The following UNC13C variants were observed in gnomAD, a reference collection of about 807,000 sequenced individuals.
UNC13C encodes unc-13 homolog C.
A neutral mutation model predicts 245.4 loss-of-function variants in UNC13C; 174 were observed. The observed-to-expected ratio is 0.71, with a 90% confidence interval of 0.63 to 0.80. The LOEUF (loss-of-function observed/expected upper bound fraction) is 0.80, where lower values mean the gene tolerates loss of function less well. Among genes scored for constraint, UNC13C ranks in the 30% least tolerant of loss-of-function variants. The pLI is 0.00. For synonymous variants in UNC13C, 992 were observed against 895.1 expected (o/e 1.11, Z -1.93); for missense variants, 2,829 against 2,602.9 (o/e 1.09, Z -1.89).
At chr15:54,545,832 G>A (rs1896459448) in intron 26 of UNC13C, among the ~76,000 whole-genome samples, 1 of 152,162 alleles carries the variant, frequency 6.6e-6, no homozygotes, top group African/African-American at 2.4e-5. Context: ...GGATGCTGGA[G>A]AGAATGTGGA....
At chr15:54,335,989 C>T (rs1036093405) in intron 16 of UNC13C, among the ~76,000 whole-genome samples, 5 of 151,670 alleles carry the variant, frequency 3.3e-5, no homozygotes, top group Admixed American at 6.6e-5. Flanking sequence ...GTAGAAGTGA[C>T]GTTGCATTAT....
chr15:54,054,177 T>G (rs1423733638), intron 2 of UNC13C, among the ~76,000 whole-genome samples: 3 of 152,198 alleles, frequency 2.0e-5, no homozygotes, highest in African/African-American at 7.2e-5. Flanking sequence ...TAGCTCTATT[T>G]TTAGCTTTGA....
intron 5 of UNC13C, 142 bp downstream of exon 5, chr15:54,235,250 A>C: frequency 1.7e-6 from 1 of 578,522 alleles, no homozygotes. Context: ...ACCTGCTGTT[A>C]TATTTATTAT....
rs1491357619 is a variant in UNC13C, at chr15:54,553,212, A to AAC, written c.5878-2219_5878-2218insCA. ...TATTATATACTGTATTCTATATTAC[A>AAC]ATATATATTATATATTGTATTCTAT... On this transcript the variant is annotated intron_variant, in intron 28 of 32. Transcript: ENST00000260323. 1.4e-3 allele frequency among the ~76,000 whole-genome samples: 163 copies of AAC among 114,904 alleles called. 9 individuals are homozygous for AAC. The highest frequency in any genetic ancestry group is 5.4e-3 in the African/African-American group (155 of 28,934). The allele number at this position is 114,904 out of a possible 152,430, so 75.4% of individuals were successfully genotyped here.
rs1896646777 is a variant in UNC13C at position 54,549,668 on chromosome 15, C to A, written c.5854C>A (p.Leu1952Ile). The A allele has an allele frequency of 1.9e-6, 3 of 1,603,256 alleles. No homozygotes were observed. The East Asian group carries it at 6.7e-5, about 36-fold the overall frequency. ...PQMIFIAAKDLGQLSKLKEHM... is the reference protein window; with the variant it reads ...PQMIFIAAKDIGQLSKLKEHM... The stretch of plus-strand genomic sequence containing the variant: ...GATGATTTTCATTGCAGCTAAAGAT[C>A]TTGGACAATTATCCAAACTGAAGGT... Residue 1952 changes from leucine (L) to isoleucine (I), a missense_variant, in exon 28 of 33, where the codon CTT becomes ATT. Coordinates refer to ENST00000260323, the MANE Select transcript of UNC13C (RefSeq NM_001080534.3).
chr15:54,237,740 C>G (rs776937533), intron 7 of UNC13C, 50 bp downstream of exon 7: 2 of 1,406,672 alleles, frequency 1.4e-6, no homozygotes, highest in Non-Finnish European at 2.0e-6. Context: ...TGCTCATAAT[C>G]ACAAGGGAGA....
intron 4 of UNC13C, among the ~76,000 whole-genome samples, chr15:54,185,236 T>C (rs1411664439): frequency 6.6e-6 from 1 of 152,092 alleles, no homozygotes; most frequent in Non-Finnish European, 1.5e-5. Context: ...TTCACTCTGA[T>C]GGTGGTTTCT....
At chr15:54,233,735 C>G (rs889392451) in intron 4 of UNC13C, among the ~76,000 whole-genome samples, 2 of 152,150 alleles carry the variant, frequency 1.3e-5, no homozygotes, top group African/African-American at 4.8e-5. Flanking sequence ...GAGGCCATCT[C>G]TCTGCTGACG....
chr15:54,373,051 A>G (rs986715975), intron 17 of UNC13C, among the ~76,000 whole-genome samples: 3 of 152,170 alleles, frequency 2.0e-5, no homozygotes, highest in African/African-American at 7.2e-5. Flanking sequence ...TAGAACTGGG[A>G]TAGGCTGTCA....
chr15:54,553,384 G>A (rs1360935072), intron 28 of UNC13C, among the ~76,000 whole-genome samples: 8 of 114,622 alleles, frequency 7.0e-5, no homozygotes, highest in South Asian at 2.6e-4. Context: ...ATTATATTAT[G>A]TATTAGTATA....
the UNC13C span, among the ~76,000 whole-genome samples, chr15:53,859,938 T>G: frequency 0.62 from 93,600 of 152,052 alleles, 29,086 homozygotes; most frequent in East Asian, 0.76. Flanking sequence ...GTGAGAAATA[T>G]CTGCACTGTC....
chr15:54,088,023 C>T (rs1168446346), intron 2 of UNC13C, among the ~76,000 whole-genome samples: 1 of 151,794 alleles, frequency 6.6e-6, no homozygotes, highest in African/African-American at 2.4e-5. Flanking sequence ...GAAATGCCTA[C>T]AAGTAACACC....
At chr15:54,161,016 A>G (rs75511491) in intron 4 of UNC13C, among the ~76,000 whole-genome samples, 3 of 152,340 alleles carry the variant, frequency 2.0e-5, no homozygotes, top group East Asian at 3.9e-4. Context: ...GAGTAACAGG[A>G]CAACCTCATA....
intron 2 of UNC13C, among the ~76,000 whole-genome samples, chr15:54,051,806 A>G (rs2141054804): frequency 6.8e-6 from 1 of 147,914 alleles, no homozygotes; most frequent in South Asian, 2.2e-4. Flanking sequence ...ACATGTGCAC[A>G]TTGTGCAGGT....
At chr15:54,219,216 A>G (rs1217359800) in intron 4 of UNC13C, among the ~76,000 whole-genome samples, 2 of 151,960 alleles carry the variant, frequency 1.3e-5, no homozygotes, top group African/African-American at 2.4e-5. Flanking sequence ...AGGCTACAGT[A>G]ACCAAAACAG....
chr15:54,522,539 C>T (rs932562099), intron 24 of UNC13C, among the ~76,000 whole-genome samples: 2 of 152,020 alleles, frequency 1.3e-5, no homozygotes, highest in East Asian at 1.9e-4. Context: ...AGCTGGCTCT[C>T]CCAGACAAGT....
At chr15:54,377,046 A>C (rs1206299594) in intron 17 of UNC13C, among the ~76,000 whole-genome samples, 6 of 152,186 alleles carry the variant, frequency 3.9e-5, no homozygotes, top group Non-Finnish European at 7.4e-5. Flanking sequence ...GATCAGTGTT[A>C]TGCAGCTACA....
intron 16 of UNC13C, among the ~76,000 whole-genome samples, chr15:54,334,199 G>T (rs934829251): frequency 2.0e-5 from 3 of 152,070 alleles, no homozygotes; most frequent in Non-Finnish European, 4.4e-5. Context: ...TAACTTAGAT[G>T]TTTTGCCGAC....
chr15:54,077,413 C>T (rs1276153720), intron 2 of UNC13C, among the ~76,000 whole-genome samples: 4 of 96,810 alleles, frequency 4.1e-5, no homozygotes, highest in Non-Finnish European at 7.3e-5. Flanking sequence ...GAGTCTCTCT[C>T]TGTCTCCCAG....
Sources: gnomAD v4.1 joint callset for allele counts (sites outside exome capture counted in the v4.1 genomes callset) on GRCh38, gnomAD v4.1.1 for gene constraint, MANE v1.5 for transcripts, NCBI Gene and HGNC (gene_info 2026-07-23, HGNC 2026-07-21) for gene names.